The following PTPRK variants were observed in gnomAD, a reference collection of about 807,000 sequenced individuals.
PTPRK encodes protein tyrosine phosphatase receptor type K.
PTPRK carries 75 observed loss-of-function variants against 178.0 expected under a neutral mutation model. The observed-to-expected ratio is 0.42, with a 90% CI of 0.35 to 0.51. The LOEUF is 0.51. Ranked by LOEUF, PTPRK falls within the 20% of genes least tolerant of loss-of-function variation. The pLI, the probability that PTPRK is intolerant of heterozygous loss-of-function variation, is 0.02. For synonymous variants in PTPRK, 637 were observed against 620.6 expected, an observed-to-expected ratio of 1.03 and a Z score of -0.39; for missense variants, 1,441 against 1,797.8, an observed-to-expected ratio of 0.80 and a Z score of 3.59.
chr6:128,133,118 T>C (rs573492442), intron 7 of PTPRK, among the ~76,000 whole-genome samples: 11 of 152,348 alleles, frequency 7.2e-5, no homozygotes, highest in African/African-American at 2.4e-4. Flanking sequence ...TAATAACATC[T>C]ATTTAAAACT....
At position 128,002,327 on chromosome 6, in the gene PTPRK, G is replaced by T. The variant is rs555519655; in HGVS notation, c.2494+2757C>A. On this transcript the variant is annotated intron_variant, in intron 15 of 29. Transcript: ENST00000368226. ...AATATAAATAACAAACATGACATTT[G>T]GGAATTTACAAGATATATTTATTTG... Among the ~76,000 whole-genome samples the T allele has an allele frequency of 3.1e-4, 47 of 151,730 alleles. 2 individuals are homozygous for T. The highest frequency in any genetic ancestry group is 1.1e-3 in the African/African-American group (47 of 41,446).
At chr6:128,213,159 G>A (rs1808546668) in intron 6 of PTPRK, among the ~76,000 whole-genome samples, 1 of 151,958 alleles carries the variant, frequency 6.6e-6, no homozygotes, top group East Asian at 1.9e-4. Context: ...GTTTCTGGTT[G>A]CACCAAAATA....
chr6:128,503,842 T>TTTTGTGTGTGTG (rs754558996), intron 1 of PTPRK, among the ~76,000 whole-genome samples: 3 of 139,886 alleles, frequency 2.1e-5, no homozygotes, highest in African/African-American at 8.2e-5. Context: ...CTGGTTATTA[T>TTTTGTGTGTGTG]TGTGTGTGTG....
rs752996625 is a variant in PTPRK, at chr6:128,067,566, G to A, written c.2110C>T (p.Arg704Cys). The A allele has an allele frequency of 3.7e-6, 6 of 1,609,234 alleles. No homozygotes were observed. The highest frequency in any genetic ancestry group is 2.7e-5 in the African/African-American group (2 of 74,800). The change falls in exon 12 of 30, where the codon CGC (arginine) becomes TGC (cysteine). Residue 704 changes from arginine (R) to cysteine (C), a missense_variant. Physicochemically the swap from Arg to Cys is radical, Grantham distance 180 (BLOSUM62 -3). This residue lies in a region of PTPRK where 945 missense variants were observed against 1,080.6 expected (regional missense o/e 0.87). Transcript: ENST00000368226. The part of the protein sequence containing the change: ...QGFWNPPLAP[R>C]KGYNIYFQAM... ...TGGAAATAGATGTTGTATCCTTTGC[G>A]CGGAGCCAAAGGAGGGTTCCAAAAG...
At chr6:128,425,950 T>A (rs1844082598) in intron 1 of PTPRK, among the ~76,000 whole-genome samples, 1 of 152,228 alleles carries the variant, frequency 6.6e-6, no homozygotes, top group South Asian at 2.1e-4. Flanking sequence ...TAAATAACAT[T>A]AAATACTTTT....
chr6:128,079,444 T>C (rs1784419586), intron 10 of PTPRK, among the ~76,000 whole-genome samples: 1 of 152,034 alleles, frequency 6.6e-6, no homozygotes, highest in Admixed American at 6.6e-5. Context: ...GTGTGGTAAA[T>C]GATAATGGAC....
chr6:128,405,599 G>A (rs1841558195), intron 1 of PTPRK, among the ~76,000 whole-genome samples: 2 of 152,096 alleles, frequency 1.3e-5, no homozygotes, highest in African/African-American at 4.8e-5. Context: ...AACCACCCAA[G>A]CTCACATTTA....
chr6:128,314,860 CCTTCTA>C (rs1827783729), intron 3 of PTPRK, among the ~76,000 whole-genome samples: 1 of 151,592 alleles, frequency 6.6e-6, no homozygotes, highest in Non-Finnish European at 1.5e-5. Context: ...AAAAAGGAGA[CCTTCTA>C]CTTCTAATTC....
chr6:128,486,971 A>G (rs1485617585), intron 1 of PTPRK, among the ~76,000 whole-genome samples: 1 of 151,556 alleles, frequency 6.6e-6, no homozygotes, highest in East Asian at 2.0e-4. Flanking sequence ...AAAAAGAAAA[A>G]ATGTATTGAC....
chr6:128,152,514 T>C (rs1196454399), intron 7 of PTPRK, among the ~76,000 whole-genome samples: 1 of 150,802 alleles, frequency 6.6e-6, no homozygotes, highest in Non-Finnish European at 1.5e-5. Context: ...GAGAAAAACT[T>C]AGAGAGACTG....
At chr6:128,318,917 T>C (rs549869658) in intron 3 of PTPRK, among the ~76,000 whole-genome samples, 1 of 152,286 alleles carries the variant, frequency 6.6e-6, no homozygotes, top group South Asian at 2.1e-4. Context: ...ATAAAATACG[T>C]AGAATAGCAT....
At chr6:128,217,233 C>G (rs1397091294) in intron 6 of PTPRK, among the ~76,000 whole-genome samples, 1 of 152,188 alleles carries the variant, frequency 6.6e-6, no homozygotes, top group East Asian at 1.9e-4. Flanking sequence ...AAGTCAAATA[C>G]TATCATATTT....
chr6:128,064,870 T>C (rs1781491068), intron 12 of PTPRK, 76 bp from the exon 13 acceptor site: 6 of 1,452,442 alleles, frequency 4.1e-6, no homozygotes, highest in African/African-American at 1.4e-5. Flanking sequence ...ATAATTATTA[T>C]GAAGATCCAT....
intron 6 of PTPRK, among the ~76,000 whole-genome samples, chr6:128,197,794 G>A (rs939048103): frequency 2.6e-5 from 4 of 151,950 alleles, no homozygotes; most frequent in African/African-American, 9.7e-5. Context: ...AATAACATTA[G>A]TCACTGCAAT....
At chr6:128,286,461 TTG>T (rs1196068403) in intron 3 of PTPRK, among the ~76,000 whole-genome samples, 1 of 152,184 alleles carries the variant, frequency 6.6e-6, no homozygotes, top group African/African-American at 2.4e-5. Flanking sequence ...TTGCTATGAT[TTG>T]TATAGGAACT....
intron 13 of PTPRK, among the ~76,000 whole-genome samples, chr6:128,020,935 G>A (rs10484714): frequency 0.072 from 10,905 of 152,156 alleles, 684 homozygotes; most frequent in East Asian, 0.34. Flanking sequence ...AATAGAGGTT[G>A]CACTACAATT....
rs190555210 is a variant in PTPRK, at chr6:128,486,374, T to C, written c.100+33885A>G. On this transcript the variant is annotated intron_variant, in intron 1 of 29. Transcript: ENST00000368226. ...TAGTAACATGGATAAAGTGGTAAAC[T>C]AACTATGACACCAATTAATATATTA... 2.1e-3 allele frequency among the ~76,000 whole-genome samples: 316 copies of C among 152,270 alleles called. 1 individual carries two copies. The highest frequency in any genetic ancestry group is 3.9e-3 in the Non-Finnish European group (264 of 68,012).
At chr6:128,177,664 T>C (rs1478591136) in intron 7 of PTPRK, among the ~76,000 whole-genome samples, 1 of 151,768 alleles carries the variant, frequency 6.6e-6, no homozygotes, top group South Asian at 2.1e-4. Context: ...AATTGGGATG[T>C]ATGACTAACT....
At chr6:128,396,784 G>T (rs981489474) in intron 2 of PTPRK, among the ~76,000 whole-genome samples, 6 of 152,210 alleles carry the variant, frequency 3.9e-5, no homozygotes, top group Admixed American at 3.3e-4. Context: ...CGGATCACGA[G>T]GTCAGGAGTT....
Sources: gnomAD v4.1 joint callset for allele counts (sites outside exome capture counted in the v4.1 genomes callset) on GRCh38, gnomAD v4.1.1 for gene constraint, gnomAD v4.1.1 regional missense constraint, MANE v1.5 for transcripts, NCBI Gene and HGNC (gene_info 2026-07-23, HGNC 2026-07-21) for gene names.